Variants in ZFPM2 observed in about 807,000 individuals in gnomAD.
ZFPM2 encodes the protein zinc finger protein, FOG family member 2, also known as zinc finger protein ZFPM2.
In ZFPM2, 20 loss-of-function variants were observed where a neutral mutation model predicts 98.6. The ratio of observed to expected loss-of-function variants is 0.20; its 90% CI spans 0.14 to 0.29. The LOEUF is 0.29. Ranked by LOEUF, ZFPM2 falls within the 10% of genes least tolerant of loss-of-function variation. The pLI, the probability that ZFPM2 is intolerant of heterozygous loss-of-function variation, is 1.00. For missense variants in ZFPM2, 1,310 were observed against 1,388.6 expected, an observed-to-expected ratio of 0.94 and a Z score of 0.90; for synonymous variants, 518 against 502.7, an observed-to-expected ratio of 1.03 and a Z score of -0.41.
chr8:105,736,663 AT>A (rs946137666), intron 5 of ZFPM2, among the ~76,000 whole-genome samples: 6 of 152,018 alleles, frequency 3.9e-5, no homozygotes, highest in African/African-American at 1.4e-4. Flanking sequence ...TTGAGGATTT[AT>A]TGATGCTTGG....
At chr8:105,776,690 C>A (rs1385976547) in intron 5 of ZFPM2, among the ~76,000 whole-genome samples, 1 of 152,032 alleles carries the variant, frequency 6.6e-6, no homozygotes, top group Non-Finnish European at 1.5e-5. Context: ...AATCATATAC[C>A]GTAGCTCCTA....
intron 3 of ZFPM2, among the ~76,000 whole-genome samples, chr8:105,489,466 A>ATATGTTT (rs1554610604): frequency 8.3e-6 from 1 of 119,810 alleles, no homozygotes; most frequent in African/African-American, 3.6e-5. Context: ...ATATATATAT[A>ATATGTTT]TTTTTTTTTT....
chr8:105,443,410 C>T, intron 2 of ZFPM2, among the ~76,000 whole-genome samples: 1 of 146,912 alleles, frequency 6.8e-6, no homozygotes, highest in East Asian at 2.0e-4. Flanking sequence ...TTCATACTTT[C>T]TTGTTATTTT....
rs576016605 is a variant in ZFPM2 at position 105,706,047 on chromosome 8, C to G, written c.532+71690C>G. Among the ~76,000 whole-genome samples the G allele has an allele frequency of 3.3e-5, 5 of 152,002 alleles. No homozygotes were observed. The South Asian group carries it at 8.3e-4, about 25-fold the overall frequency. On this transcript the variant is annotated intron_variant, in intron 5 of 7. Coordinates refer to ENST00000407775, the MANE Select transcript of ZFPM2 (RefSeq NM_012082.4). ...CCTAATTTAATTCTCACAGCATTCC[C>G]AGGCATGTGAGTGTATATATATTTA...
intron 3 of ZFPM2, among the ~76,000 whole-genome samples, chr8:105,494,334 C>T (rs1046332430): frequency 3.3e-5 from 5 of 151,102 alleles, no homozygotes; most frequent in African/African-American, 4.9e-5. Flanking sequence ...TCTATCCATT[C>T]CGCACGCTTA....
chr8:105,534,121 T>C (rs143708593), intron 3 of ZFPM2, among the ~76,000 whole-genome samples: 41 of 18,120 alleles, frequency 2.3e-3, no homozygotes, highest in African/African-American at 0.01. Context: ...CTTCCTCCCT[T>C]CCTTCCTCCC....
intron 6 of ZFPM2, among the ~76,000 whole-genome samples, chr8:105,796,316 T>C (rs1171155873): frequency 6.6e-6 from 1 of 152,216 alleles, no homozygotes; most frequent in Non-Finnish European, 1.5e-5. Flanking sequence ...CTCTATTTGC[T>C]TTCTGTAGCA....
chr8:105,690,676 C>A (rs557705239), intron 5 of ZFPM2, among the ~76,000 whole-genome samples: 1 of 152,222 alleles, frequency 6.6e-6, no homozygotes, highest in East Asian at 1.9e-4. Context: ...AAACTAATAT[C>A]TCTCATAATA....
At chr8:105,709,984 T>G (rs75729404) in intron 5 of ZFPM2, among the ~76,000 whole-genome samples, 1 of 152,140 alleles carries the variant, frequency 6.6e-6, no homozygotes, top group Admixed American at 6.6e-5. Flanking sequence ...TTTTTTTAAG[T>G]CTGCTTAATT....
chr8:105,594,019 G>A (rs1490830671), intron 4 of ZFPM2, among the ~76,000 whole-genome samples: 1 of 151,988 alleles, frequency 6.6e-6, no homozygotes, highest in Admixed American at 6.6e-5. Flanking sequence ...TATTAAAACC[G>A]CTCTCATATT....
At chr8:105,659,099 C>A in intron 5 of ZFPM2, among the ~76,000 whole-genome samples, 1 of 152,088 alleles carries the variant, frequency 6.6e-6, no homozygotes, top group East Asian at 1.9e-4. Flanking sequence ...CACTTCCAGA[C>A]AATATCAGAT....
At chr8:105,641,190 A>G (rs1489951405) in intron 5 of ZFPM2, among the ~76,000 whole-genome samples, 1 of 152,056 alleles carries the variant, frequency 6.6e-6, no homozygotes, top group Admixed American at 6.6e-5. Flanking sequence ...GCCCTAAAGG[A>G]GTCCACATGC....
chr8:105,494,546 CTT>C (rs1813423729), intron 3 of ZFPM2, among the ~76,000 whole-genome samples: 1 of 151,988 alleles, frequency 6.6e-6, no homozygotes, highest in Non-Finnish European at 1.5e-5. Flanking sequence ...CCTAGAGTGT[CTT>C]GTTACTCCAT....
rs540465801 is a variant in ZFPM2 at position 105,560,846 on chromosome 8, C to T, written c.302-517C>T. Among the ~76,000 whole-genome samples the T allele has an allele frequency of 3.2e-4, 49 of 152,116 alleles. 2 individuals carry two copies. In the South Asian group the frequency reaches 6.8e-3, roughly 21 times the overall value. On this transcript the variant is annotated intron_variant, in intron 3 of 7. Coordinates refer to ENST00000407775, the MANE Select transcript of ZFPM2 (RefSeq NM_012082.4). ...AATACAGAAAAACAAGTAAAAACTC[C>T]GTCTAAACATTTTTTATTTGAAAAA...
chr8:105,714,149 A>G (rs1054686461), intron 5 of ZFPM2, among the ~76,000 whole-genome samples: 22 of 151,962 alleles, frequency 1.4e-4, no homozygotes, highest in African/African-American at 5.3e-4. Flanking sequence ...AGTGTTTATA[A>G]TTCTCCTTGT....
intron 3 of ZFPM2, among the ~76,000 whole-genome samples, chr8:105,553,946 C>T (rs1241134920): frequency 6.6e-6 from 1 of 152,014 alleles, no homozygotes; most frequent in East Asian, 1.9e-4. Context: ...TTACAAGGTT[C>T]GATTTATTAA....
chr8:105,546,535 C>T (rs1438134581), intron 3 of ZFPM2, among the ~76,000 whole-genome samples: 2 of 149,574 alleles, frequency 1.3e-5, no homozygotes, highest in African/African-American at 5.0e-5. Flanking sequence ...CACCATTGCA[C>T]TCCAGCCTGG....
intron 1 of ZFPM2, among the ~76,000 whole-genome samples, chr8:105,351,632 T>C (rs1376458273): frequency 6.6e-6 from 1 of 152,204 alleles, no homozygotes; most frequent in Non-Finnish European, 1.5e-5. Context: ...AGAATTTTGC[T>C]TTCTGGTTAT....
intron 5 of ZFPM2, among the ~76,000 whole-genome samples, chr8:105,775,990 G>A (rs1813096217): frequency 6.6e-6 from 1 of 151,950 alleles, no homozygotes; most frequent in Non-Finnish European, 1.5e-5. Flanking sequence ...AGAAATCCGG[G>A]CCTGATGACA....
Sources: gnomAD v4.1 joint callset for allele counts (sites outside exome capture counted in the v4.1 genomes callset) on GRCh38, gnomAD v4.1.1 for gene constraint, MANE v1.5 for transcripts, NCBI Gene and HGNC (gene_info 2026-07-23, HGNC 2026-07-21) for gene names.